The following LDB2 variants were observed in gnomAD, a reference collection of about 807,000 sequenced individuals.
LDB2 encodes the protein LIM domain binding 2.
In LDB2, 12 loss-of-function variants were observed where a neutral mutation model predicts 44.3. The ratio of observed to expected loss-of-function variants is 0.27; its 90% CI spans 0.17 to 0.44. LDB2 has a LOEUF of 0.44. LDB2 is among the 20% of genes least tolerant of loss of function. The pLI is 1.00. For missense variants in LDB2, 344 were observed against 473.5 expected (o/e 0.73, Z 2.54); for synonymous variants, 164 against 174.8 (o/e 0.94, Z 0.49).
At chr4:16,841,188 T>C (rs1785831097) in intron 1 of LDB2, among the ~76,000 whole-genome samples, 1 of 152,196 alleles carries the variant, frequency 6.6e-6, no homozygotes, top group Non-Finnish European at 1.5e-5. Context: ...TTTTTTAAAA[T>C]TCAGGGCAGG....
At chr4:16,621,516 C>CTT (rs1728869813) in intron 2 of LDB2, among the ~76,000 whole-genome samples, 1 of 152,182 alleles carries the variant, frequency 6.6e-6, no homozygotes, top group Non-Finnish European at 1.5e-5. Flanking sequence ...AAAAATTATG[C>CTT]TTCTAAATCA....
At chr4:16,559,198 A>T (rs918321819) in intron 5 of LDB2, among the ~76,000 whole-genome samples, 2 of 152,230 alleles carry the variant, frequency 1.3e-5, no homozygotes, top group Non-Finnish European at 2.9e-5. Flanking sequence ...TGACAGGATC[A>T]AATTCACACA....
At chr4:16,722,474 A>G (rs1214224796) in intron 2 of LDB2, among the ~76,000 whole-genome samples, 1 of 152,150 alleles carries the variant, frequency 6.6e-6, no homozygotes, top group East Asian at 1.9e-4. Context: ...ATATAGCAAA[A>G]TATCTATTAA....
rs529252751 is a variant in LDB2 at position 16,693,087 on chromosome 4, C to G, written c.235+66071G>C. Among the ~76,000 whole-genome samples, 8 of 152,250 alleles carry G rather than the reference C, an allele frequency of 5.3e-5. No homozygotes were observed. In the East Asian group the frequency reaches 1.5e-3, roughly 29 times the overall value. On this transcript the variant is annotated intron_variant, in intron 2 of 7. Coordinates refer to ENST00000304523, the MANE Select transcript of LDB2 (RefSeq NM_001290.5). ...AAAGGCAAGCAAATAAAATGAGTTT[C>G]GAGGGCCTTGGCTTGGCTTCAGGCA...
At chr4:16,589,465 A>C (rs2152430827) in intron 3 of LDB2, among the ~76,000 whole-genome samples, 1 of 152,250 alleles carries the variant, frequency 6.6e-6, no homozygotes, top group African/African-American at 2.4e-5. Context: ...TCTTAGGGGG[A>C]TGGGACACTT....
chr4:16,706,545 T>G (rs1754655592), intron 2 of LDB2, among the ~76,000 whole-genome samples: 1 of 152,216 alleles, frequency 6.6e-6, no homozygotes, highest in African/African-American at 2.4e-5. Flanking sequence ...GCAGCCCAAA[T>G]GGACTAAGAC....
chr4:16,564,660 T>C (rs1354148548), intron 5 of LDB2, among the ~76,000 whole-genome samples: 1 of 152,214 alleles, frequency 6.6e-6, no homozygotes, highest in East Asian at 1.9e-4. Flanking sequence ...CTTTGGAATA[T>C]TATGTTTTAT....
chr4:16,741,755 A>G (rs1230540927), intron 2 of LDB2, among the ~76,000 whole-genome samples: 1 of 152,106 alleles, frequency 6.6e-6, no homozygotes, highest in Admixed American at 6.5e-5. Flanking sequence ...CCCCCTGGAG[A>G]GATTGGTTAA....
intron 1 of LDB2, among the ~76,000 whole-genome samples, chr4:16,866,893 G>A (rs1308670780): frequency 6.6e-6 from 1 of 152,106 alleles, no homozygotes; most frequent in Non-Finnish European, 1.5e-5. Context: ...TATCCCACAC[G>A]CTTTTCTTAC....
At chr4:16,742,340 G>T (rs1276354303) in intron 2 of LDB2, among the ~76,000 whole-genome samples, 1 of 152,040 alleles carries the variant, frequency 6.6e-6, no homozygotes, top group East Asian at 1.9e-4. Flanking sequence ...AAAGTGCTGG[G>T]ATTACAGGCC....
rs1259895723 is a variant in LDB2 at position 16,508,432 on chromosome 4, A to G, written c.891+103T>C. ...TCCCTCCCCCACCTCCAACCTGCCCAGGATTTTTTTTTTTTTTCTAATGAA... is the reference window on the plus strand; with the variant it reads ...TCCCTCCCCCACCTCCAACCTGCCCGGGATTTTTTTTTTTTTTCTAATGAA... On this transcript the variant is annotated intron_variant, in intron 7 of 7. Coordinates refer to ENST00000304523, the MANE Select transcript of LDB2 (RefSeq NM_001290.5). The G allele has an allele frequency of 2.7e-5, 26 of 972,938 alleles. 1 individual carries two copies. Among genetic ancestry groups the G allele is most frequent in the Non-Finnish European group, 3.3e-5 (23 of 699,910 alleles). The allele number at this position is 972,938 out of a possible 1,614,324, so 60.3% of individuals were successfully genotyped here.
chr4:16,888,782 A>C (rs1262404414), intron 1 of LDB2: 1 of 861,264 alleles, frequency 1.2e-6, no homozygotes, highest in Non-Finnish European at 1.4e-6. Context: ...GGCATTATAC[A>C]TGCATTTATT....
At chr4:16,741,390 A>T (rs987307116) in intron 2 of LDB2, 3 of 152,266 alleles carry the variant, frequency 2.0e-5, no homozygotes, top group Admixed American at 2.0e-4. Context: ...GAGAGGTCCC[A>T]GCTGAGCACA....
chr4:16,502,912 GGA>G, intron 7 of LDB2, 39 bp from the exon 8 acceptor site: 2 of 1,609,584 alleles, frequency 1.2e-6, no homozygotes, highest in Non-Finnish European at 1.7e-6. Context: ...GGAAACCTTG[GGA>G]GAGAGAAGCT....
chr4:16,557,163 T>C (rs1739957031), intron 5 of LDB2, among the ~76,000 whole-genome samples: 1 of 152,130 alleles, frequency 6.6e-6, no homozygotes, highest in Non-Finnish European at 1.5e-5. Flanking sequence ...AGACGGGTGA[T>C]TTCTGCATTT....
At chr4:16,532,968 C>G (rs780172124) in intron 5 of LDB2, among the ~76,000 whole-genome samples, 1 of 152,168 alleles carries the variant, frequency 6.6e-6, no homozygotes, top group African/African-American at 2.4e-5. Flanking sequence ...AATATCCTGT[C>G]TATAATAAAC....
chr4:16,621,498 G>A (rs922623274), intron 2 of LDB2, among the ~76,000 whole-genome samples: 1 of 151,880 alleles, frequency 6.6e-6, no homozygotes, highest in Non-Finnish European at 1.5e-5. Flanking sequence ...AAGAGTTTGG[G>A]GTCTCCCAAA....
intron 2 of LDB2, among the ~76,000 whole-genome samples, chr4:16,712,292 G>A (rs555984759): frequency 6.6e-6 from 1 of 152,276 alleles, no homozygotes; most frequent in South Asian, 2.1e-4. Context: ...CAAGGCTCAA[G>A]CCTGTAATCC....
intron 2 of LDB2, among the ~76,000 whole-genome samples, chr4:16,617,746 C>T (rs1560649461): frequency 6.6e-6 from 1 of 152,020 alleles, no homozygotes; most frequent in African/African-American, 2.4e-5. Flanking sequence ...AAGAAGTATG[C>T]AGAAGAAGAA....
Sources: gnomAD v4.1 joint callset for allele counts (sites outside exome capture counted in the v4.1 genomes callset) on GRCh38, gnomAD v4.1.1 for gene constraint, MANE v1.5 for transcripts, NCBI Gene and HGNC (gene_info 2026-07-23, HGNC 2026-07-21) for gene names.